Variants in DNAJC10 observed in about 807,000 individuals in gnomAD.
The protein encoded by DNAJC10 is DnaJ heat shock protein family (Hsp40) member C10, also known as endoplasmic reticulum disulfide reductase DNAJC10.
Under a neutral mutation model 115.0 loss-of-function variants are expected in DNAJC10, and 101 were observed. The observed-to-expected ratio is 0.88, with a 90% CI of 0.75 to 1.04. The LOEUF (loss-of-function observed/expected upper bound fraction) is 1.04. Among genes scored for constraint, DNAJC10 ranks in the 50% least tolerant of loss-of-function variants. The pLI, the probability that DNAJC10 is intolerant of heterozygous loss-of-function variation, is 0.00. For synonymous variants in DNAJC10, 307 were observed against 301.5 expected, an observed-to-expected ratio of 1.02 and a Z score of -0.19; for missense variants, 981 against 928.8, an observed-to-expected ratio of 1.06 and a Z score of -0.73.
Position 182,779,453 on chromosome 2 carries a change from G to A in DNAJC10, c.*2321G>A, listed in dbSNP as rs1399837892. 1 of 152,152 alleles carries A rather than the reference G, an allele frequency of 6.6e-6. No homozygotes were observed. Among genetic ancestry groups the A allele is most frequent in the Admixed American group, 6.6e-5 (1 of 15,260 alleles). The allele number at this position is 152,152 out of a possible 1,614,324, so 9.4% of individuals were successfully genotyped here. A position where few individuals can be genotyped will look rare whatever the true frequency, so the allele number is the denominator to read the frequency against. On this transcript the variant is annotated 3_prime_UTR_variant, in exon 24 of 24. Transcript: ENST00000264065. ...TGGAAATTAGGTCCATTTAAAGTAT[G>A]TGGCTTACAGTCAGGTATGGTGGTG...
intron 10 of DNAJC10, 196 bp downstream of exon 10, chr2:182,732,738 T>C (rs1693483384): frequency 7.0e-6 from 4 of 570,242 alleles, no homozygotes; most frequent in Non-Finnish European, 1.2e-5. Flanking sequence ...TAACGTGGTA[T>C]CAATTCTAAG....
chr2:182,728,707 G>T (rs377220389), intron 6 of DNAJC10, 49 bp downstream of exon 6: 44 of 1,523,302 alleles, frequency 2.9e-5, no homozygotes, highest in Non-Finnish European at 3.9e-5. Context: ...TAATTGATCT[G>T]CAATTTATAT....
intron 5 of DNAJC10, among the ~76,000 whole-genome samples, chr2:182,723,152 G>T (rs1342059361): frequency 1.4e-5 from 2 of 145,952 alleles, no homozygotes; most frequent in Non-Finnish European, 3.0e-5. Flanking sequence ...CGATTCTCCT[G>T]CCTCAGCCTT....
intron 11 of DNAJC10, chr2:182,739,696 TTAAGA>T (rs1693683341): frequency 2.0e-5 from 21 of 1,030,296 alleles, no homozygotes; most frequent in Non-Finnish European, 2.5e-5. Context: ...GAAAACAAGT[TTAAGA>T]TAAGATCTGT....
rs775137668 is a variant in DNAJC10, at chr2:182,781,238, A to G, written c.*4106A>G. ...TGGTGTTTGGTTTTCTGTTCCTGTT[A>G]GTTTGCTGAGAATAATGGTTTCCGG... On this transcript the variant is annotated 3_prime_UTR_variant, in exon 24 of 24. Coordinates refer to ENST00000264065, the MANE Select transcript of DNAJC10 (RefSeq NM_018981.4). 1.3e-5 allele frequency: 2 copies of G among 151,618 alleles called. No individual in the cohort carries two copies. Among genetic ancestry groups the G allele is most frequent in the Non-Finnish European group, 2.9e-5 (2 of 67,964 alleles). The allele number at this position is 151,618 out of a possible 1,614,324, so 9.4% of individuals were successfully genotyped here.
chr2:182,765,276 G>A (rs1694382525), intron 22 of DNAJC10, among the ~76,000 whole-genome samples: 1 of 152,130 alleles, frequency 6.6e-6, no homozygotes, highest in Non-Finnish European at 1.5e-5. Context: ...TAGTAATTAA[G>A]TTTAATCCAT....
At position 182,731,523 on chromosome 2, in the gene DNAJC10, A is replaced by G. The variant is rs539114527; in HGVS notation, c.805+416A>G. On this transcript the variant is annotated intron_variant, in intron 9 of 23. Coordinates refer to ENST00000264065, the MANE Select transcript of DNAJC10 (RefSeq NM_018981.4). ...ACATAGATTTGCCTCATACAATTAT[A>G]TACTTGAAGATGACAGCTTCTTCTA... Among the ~76,000 whole-genome samples, 15 of 152,266 alleles carry G rather than the reference A, an allele frequency of 9.9e-5. 1 individual carries two copies. The highest frequency in any genetic ancestry group is 3.4e-4 in the African/African-American group (14 of 41,572).
At chr2:182,749,277 A>T (rs543473148) in intron 14 of DNAJC10, among the ~76,000 whole-genome samples, 2,734 of 131,826 alleles carry the variant, frequency 0.021, 34 homozygotes, top group Middle Eastern at 0.062. Context: ...CCCATTATTA[A>T]TGTGTGGGAG....
Position 182,718,065 on chromosome 2 carries a change from C to G in DNAJC10, c.-22C>G, listed in dbSNP as rs1262640520. The stretch of plus-strand genomic sequence containing the variant: ...AGTGAATCTTAATGTTCACTTAAAT[C>G]AGAACTTGCATAAGAAAGAGAATGG... On this transcript the variant is annotated 5_prime_UTR_variant, in exon 3 of 24. It adds an upstream start codon to the 5' untranslated region. Coordinates refer to ENST00000264065, the MANE Select transcript of DNAJC10 (RefSeq NM_018981.4). The G allele has an allele frequency of 1.3e-6, 2 of 1,553,062 alleles. No homozygotes were observed. Among genetic ancestry groups the G allele is most frequent in the African/African-American group, 1.4e-5 (1 of 73,144 alleles).
In DNAJC10 at chr2:182,787,118, A is replaced by G. The variant is rs1281374835; in HGVS notation, c.*9986A>G. On this transcript the variant is annotated 3_prime_UTR_variant, in exon 24 of 24. Transcript: ENST00000264065. ...TTTAAGCCAGCCAGTTCATTTTGTT[A>G]TAGCAGCCTGGACAGACAATATATT... 6.6e-6 allele frequency: 1 copy of G among 152,276 alleles called. No individual in the cohort carries two copies. The highest frequency in any genetic ancestry group is 6.5e-5 in the Admixed American group (1 of 15,278). The allele number at this position is 152,276 out of a possible 1,614,324, so 9.4% of individuals were successfully genotyped here. A position where few individuals can be genotyped will look rare whatever the true frequency, so the allele number is the denominator to read the frequency against.
intron 5 of DNAJC10, among the ~76,000 whole-genome samples, chr2:182,726,630 C>CTT (rs1693291576): frequency 6.6e-6 from 1 of 152,194 alleles, no homozygotes; most frequent in Non-Finnish European, 1.5e-5. Flanking sequence ...TTGCCACAGC[C>CTT]ACCCCAACCT....
At chr2:182,772,574 CTTCT>C (rs1162380023) in intron 22 of DNAJC10, among the ~76,000 whole-genome samples, 1 of 152,146 alleles carries the variant, frequency 6.6e-6, no homozygotes, top group African/African-American at 2.4e-5. Context: ...ATGTAATAGC[CTTCT>C]TTGTCTCTTT....
Position 182,788,230 on chromosome 2 carries a change from C to CA in DNAJC10, c.*11101dup, listed in dbSNP as rs982814380. On this transcript the variant is annotated 3_prime_UTR_variant, in exon 24 of 24. Transcript: ENST00000264065. ...CAAGAAGCATACCCCTCAGAGCACT[C>CA]AAAGAGATCCGGAAGTGTGCCACAA... is the stretch of plus-strand genomic sequence containing the variant. 2 of 160,724 alleles carry CA rather than the reference C, an allele frequency of 1.2e-5. No individual in the cohort carries two copies. The highest frequency in any genetic ancestry group is 3.7e-4 in the East Asian group (2 of 5,344). The allele number at this position is 160,724 out of a possible 1,614,324, so 10.0% of individuals were successfully genotyped here.
chr2:182,747,983 A>T (rs1693913675), intron 14 of DNAJC10, among the ~76,000 whole-genome samples: 1 of 149,600 alleles, frequency 6.7e-6, no homozygotes, highest in Admixed American at 6.6e-5. Flanking sequence ...ATCTATTGAG[A>T]TAATCATGTG....
chr2:182,740,235 C>T (rs1051932473), intron 11 of DNAJC10, 64 bp from the exon 12 acceptor site: 61 of 1,190,286 alleles, frequency 5.1e-5, no homozygotes, highest in Non-Finnish European at 6.2e-5. Flanking sequence ...ATTGAAAAAA[C>T]AAAAGATATC....
Position 182,718,051 on chromosome 2 carries a change from A to C in DNAJC10, c.-36A>C, listed in dbSNP as rs878970101. 1.3e-6 allele frequency: 2 copies of C among 1,502,952 alleles called. No individual in the cohort carries two copies. The highest frequency in any genetic ancestry group is 2.5e-5 in the South Asian group (2 of 80,180). The allele number at this position is 1,502,952 out of a possible 1,614,324, so 93.1% of individuals were successfully genotyped here. A position where few individuals can be genotyped will look rare whatever the true frequency, so the allele number is the denominator to read the frequency against. ...CAACTGGAACCAGCAGTGAATCTTA[A>C]TGTTCACTTAAATCAGAACTTGCAT... On this transcript the variant is annotated 5_prime_UTR_variant, in exon 3 of 24. The change abolishes an upstream ATG in the 5' untranslated region. Coordinates refer to ENST00000264065, the MANE Select transcript of DNAJC10 (RefSeq NM_018981.4).
rs1447896440 is a variant in DNAJC10, at chr2:182,785,514, GAAA to G, written c.*8386_*8388del. The G allele has an allele frequency of 6.6e-6, 1 of 151,940 alleles. No homozygotes were observed. The highest frequency in any genetic ancestry group is 1.5e-5 in the Non-Finnish European group (1 of 67,982). The allele number at this position is 151,940 out of a possible 1,614,324, so 9.4% of individuals were successfully genotyped here. On this transcript the variant is annotated 3_prime_UTR_variant, in exon 24 of 24. Transcript: ENST00000264065. ...TCCTAATTAACTCGTTTGTTAAGTGGAAAAAATATTTCAGTAGGTAGTCATATA... is the reference window on the plus strand; with the variant it reads ...TCCTAATTAACTCGTTTGTTAAGTGGAAATATTTCAGTAGGTAGTCATATA...
Position 182,736,313 on chromosome 2 carries a change from A to G in DNAJC10, c.914A>G (p.Asp305Gly), listed in dbSNP as rs1183117386. The change falls in exon 11 of 24, where the codon GAT becomes GGT. Residue 305 changes from aspartate (D) to glycine (G), a missense_variant. Asp to Gly is a moderately conservative substitution (Grantham distance 94). Transcript: ENST00000264065. The stretch of plus-strand genomic sequence containing the variant: ...CAGGATAACCTTTGTAAAAGCTTAG[A>G]TATTACAACAAGTACTACTGCTTAT... ...ATQDNLCKSLDITTSTTAYFP... is the reference protein window; with the variant it reads ...ATQDNLCKSLGITTSTTAYFP... 2 of 1,596,646 alleles carry G rather than the reference A, an allele frequency of 1.3e-6. No homozygotes were observed. The highest frequency in any genetic ancestry group is 1.7e-6 in the Non-Finnish European group (2 of 1,173,090).
intron 4 of DNAJC10, among the ~76,000 whole-genome samples, 183 bp downstream of exon 4, chr2:182,720,352 T>C (rs527593952): frequency 9.8e-5 from 15 of 152,300 alleles, no homozygotes; most frequent in Admixed American, 2.6e-4. Context: ...TGTACAGATA[T>C]GAAGTTGTAT....
Sources: allele counts gnomAD v4.1 joint callset (sites outside exome capture counted in the v4.1 genomes callset), GRCh38; gene constraint gnomAD v4.1.1; transcripts MANE v1.5; gene names NCBI Gene and HGNC (gene_info 2026-07-23, HGNC 2026-07-21).